NSMCE2: variants seen among roughly 807,000 people sequenced by gnomAD.
NSMCE2 encodes the protein NSE2 SUMO ligase component of SMC5/6 complex.
In NSMCE2, 24 loss-of-function variants were observed where a neutral mutation model predicts 23.8. The observed-to-expected ratio is 1.01, with a 90% CI of 0.73 to 1.42. The LOEUF (loss-of-function observed/expected upper bound fraction) is 1.42. Ranked by LOEUF, NSMCE2 falls within the 40% of genes most tolerant of loss-of-function variation. The pLI is 0.00. For synonymous variants in NSMCE2, 92 were observed against 94.1 expected (o/e 0.98, Z 0.13); for missense variants, 284 against 296.5 (o/e 0.96, Z 0.31).
intron 5 of NSMCE2, among the ~76,000 whole-genome samples, chr8:125,356,968 G>T (rs1290338659): frequency 6.6e-6 from 1 of 152,142 alleles, no homozygotes; most frequent in African/African-American, 2.4e-5. Flanking sequence ...CACACCCTTG[G>T]TCACTTTCTC....
intron 3 of NSMCE2, among the ~76,000 whole-genome samples, chr8:125,113,706 C>T (rs1397051783): frequency 6.6e-6 from 1 of 152,126 alleles, no homozygotes; most frequent in Non-Finnish European, 1.5e-5. Context: ...TAATTCATTT[C>T]CCCCGTCATC....
At chr8:125,135,994 C>T (rs1820049552) in intron 3 of NSMCE2, among the ~76,000 whole-genome samples, 1 of 152,210 alleles carries the variant, frequency 6.6e-6, no homozygotes, top group South Asian at 2.1e-4. Flanking sequence ...GAGGCTCTCT[C>T]AGGATACTAA....
At chr8:125,263,909 A>G (rs1303197266) in intron 5 of NSMCE2, among the ~76,000 whole-genome samples, 1 of 152,162 alleles carries the variant, frequency 6.6e-6, no homozygotes, top group East Asian at 1.9e-4. Flanking sequence ...AACAATTCCT[A>G]ACACCTGGTA....
At chr8:125,185,686 C>A (rs966332716) in intron 5 of NSMCE2, among the ~76,000 whole-genome samples, 1 of 151,960 alleles carries the variant, frequency 6.6e-6, no homozygotes, top group Non-Finnish European at 1.5e-5. Flanking sequence ...TATTAGAAAT[C>A]AAAACTGAAG....
intron 5 of NSMCE2, among the ~76,000 whole-genome samples, chr8:125,288,105 C>T (rs565769080): frequency 3.3e-5 from 5 of 152,270 alleles, no homozygotes; most frequent in Admixed American, 1.3e-4. Flanking sequence ...GGATTGTAGG[C>T]GTGAGCCACC....
At position 125,152,479 on chromosome 8, in the gene NSMCE2, C is replaced by A. The variant is rs565532168; in HGVS notation, c.264+1202C>A. Among the ~76,000 whole-genome samples the A allele has an allele frequency of 9.4e-4, 143 of 152,290 alleles. 3 individuals are homozygous for A. Among genetic ancestry groups the A allele is most frequent in the Non-Finnish European group, 1.1e-3 (72 of 68,026 alleles). ...AATGTGCATTCAAGGGTGAAAACCA[C>A]TGACTTAAAAGAACAAGGCTGACTT... On this transcript the variant is annotated intron_variant, in intron 4 of 7. Coordinates refer to ENST00000287437, the MANE Select transcript of NSMCE2 (RefSeq NM_173685.4).
chr8:125,119,455 T>A (rs1410254070), intron 3 of NSMCE2, among the ~76,000 whole-genome samples: 1 of 152,244 alleles, frequency 6.6e-6, no homozygotes. Flanking sequence ...TTCTATTAAT[T>A]CTGCTTTTTT....
chr8:125,187,870 C>T (rs1042849073), intron 5 of NSMCE2, among the ~76,000 whole-genome samples: 15 of 151,870 alleles, frequency 9.9e-5, no homozygotes, highest in East Asian at 1.9e-4. Context: ...TAAAGGAGAA[C>T]GTATCATATT....
At chr8:125,311,876 C>T (rs991671164) in intron 5 of NSMCE2, among the ~76,000 whole-genome samples, 1 of 151,662 alleles carries the variant, frequency 6.6e-6, no homozygotes, top group East Asian at 1.9e-4. Context: ...GTTGAGAGTT[C>T]GAGACCAGCC....
At chr8:125,326,182 G>A (rs1222735576) in intron 5 of NSMCE2, among the ~76,000 whole-genome samples, 1 of 151,866 alleles carries the variant, frequency 6.6e-6, no homozygotes, top group Non-Finnish European at 1.5e-5. Flanking sequence ...GCGTGAACCC[G>A]AGAGGCAGAG....
At chr8:125,096,634 CTTTTTTTTTTTTT>C (rs34656029) in intron 1 of NSMCE2, among the ~76,000 whole-genome samples, 1 of 80,452 alleles carries the variant, frequency 1.2e-5, no homozygotes, top group African/African-American at 5.2e-5. Flanking sequence ...GTGTGGAATC[CTTTTTTTTTTTTT>C]TTTTTTTTCA....
At chr8:125,150,942 C>G (rs950840348) in intron 3 of NSMCE2, among the ~76,000 whole-genome samples, 1 of 152,146 alleles carries the variant, frequency 6.6e-6, no homozygotes, top group South Asian at 2.1e-4. Context: ...TGCCTTTGAG[C>G]TGTCTTCTAC....
chr8:125,331,412 T>C (rs1442531322), intron 5 of NSMCE2, among the ~76,000 whole-genome samples: 1 of 152,212 alleles, frequency 6.6e-6, no homozygotes, highest in East Asian at 1.9e-4. Flanking sequence ...TTATCAGTAC[T>C]CAGGGCCCTC....
chr8:125,106,696 A>AG (rs1361170834), intron 3 of NSMCE2, among the ~76,000 whole-genome samples: 1 of 150,676 alleles, frequency 6.6e-6, no homozygotes, highest in Non-Finnish European at 1.5e-5. Flanking sequence ...AAAAAAAAAA[A>AG]CAAACAACTT....
In NSMCE2 at chr8:125,130,572, A is replaced by G. The variant is rs146517413; in HGVS notation, c.158-20599A>G. On this transcript the variant is annotated intron_variant, in intron 3 of 7. Coordinates refer to ENST00000287437, the MANE Select transcript of NSMCE2 (RefSeq NM_173685.4). ...GGGCCCTGGTTCTTTTTGATTGGAA[A>G]GTGGTATTGAGAAACCAAGATCTGG... Among the ~76,000 whole-genome samples the G allele has an allele frequency of 2.0e-4, 31 of 152,282 alleles. 1 individual carries two copies. The highest frequency in any genetic ancestry group is 5.5e-4 in the African/African-American group (23 of 41,566).
At chr8:125,202,086 G>A (rs1488963816) in intron 5 of NSMCE2, among the ~76,000 whole-genome samples, 1 of 152,260 alleles carries the variant, frequency 6.6e-6, no homozygotes, top group African/African-American at 2.4e-5. Flanking sequence ...CAGTATTTTG[G>A]CGAGAGTGTC....
At chr8:125,121,364 A>T (rs1819254809) in intron 3 of NSMCE2, among the ~76,000 whole-genome samples, 1 of 152,188 alleles carries the variant, frequency 6.6e-6, no homozygotes, top group South Asian at 2.1e-4. Context: ...TTATTGTACA[A>T]TACTGATTCA....
At chr8:125,353,057 C>G (rs532062803) in intron 5 of NSMCE2, among the ~76,000 whole-genome samples, 2 of 152,312 alleles carry the variant, frequency 1.3e-5, no homozygotes, top group Non-Finnish European at 2.9e-5. Flanking sequence ...ACTCAGCCTT[C>G]CCTAGTGGTA....
At chr8:125,202,258 A>T (rs1028394757) in intron 5 of NSMCE2, among the ~76,000 whole-genome samples, 3 of 152,184 alleles carry the variant, frequency 2.0e-5, no homozygotes, top group Non-Finnish European at 4.4e-5. Context: ...TGAACCAGGA[A>T]CCTCAATTGG....
Sources: gnomAD v4.1 joint callset for allele counts (sites outside exome capture counted in the v4.1 genomes callset) on GRCh38, gnomAD v4.1.1 for gene constraint, MANE v1.5 for transcripts, NCBI Gene and HGNC (gene_info 2026-07-23, HGNC 2026-07-21) for gene names.